CAMKV: variants seen among roughly 807,000 people sequenced by gnomAD.
CAMKV encodes CaM kinase like vesicle associated, also known as caM kinase-like vesicle-associated protein.
CAMKV carries 5 observed loss-of-function variants against 50.2 expected under a neutral mutation model. That is an observed-to-expected ratio of 0.10 (90% CI 0.05 to 0.21). The LOEUF (loss-of-function observed/expected upper bound fraction) is 0.21, where lower values mean the gene tolerates loss of function less well. Among genes scored for constraint, CAMKV ranks in the 10% least tolerant of loss-of-function variants. CAMKV has a pLI of 1.00. For missense variants in CAMKV, 361 were observed against 650.5 expected (o/e 0.55, Z 4.84); for synonymous variants, 229 against 250.1 (o/e 0.92, Z 0.80).
intron 1 of CAMKV, among the ~76,000 whole-genome samples, chr3:49,867,075 C>A (rs2082070853): frequency 6.6e-6 from 1 of 152,204 alleles, no homozygotes; most frequent in Non-Finnish European, 1.5e-5. Flanking sequence ...CCTGCAGGCA[C>A]CCCCTCCTCT....
Position 49,861,646 on chromosome 3 carries a change from C to G in CAMKV, c.303-69G>C. 1 of 1,607,142 alleles carries G rather than the reference C, an allele frequency of 6.2e-7. No homozygotes were observed. Among genetic ancestry groups the G allele is most frequent in the Middle Eastern group, 1.7e-4 (1 of 5,968 alleles). ...GGTAGGGCAGGAGCACTTGGGTGAG[C>G]TGCCTACGCCAGGCAGCTGGCTGAG... On this transcript the variant is annotated intron_variant, in intron 4 of 10. Transcript: ENST00000477224. This position sits in a 1 kb window ranked among gnomAD's most constrained non-coding sequence, Gnocchi z 7.7.
At position 49,859,611 on chromosome 3, in the gene CAMKV, C is replaced by T; in HGVS notation, c.1213G>A (p.Ala405Thr). 1 of 1,614,106 alleles carries T rather than the reference C, an allele frequency of 6.2e-7. No homozygotes were observed. The highest frequency in any genetic ancestry group is 1.1e-5 in the South Asian group (1 of 91,074). ...TPATDGSVTPATDGSITPATD... is the reference protein window; with the variant it reads ...TPATDGSVTPTTDGSITPATD... ...GCTGGAGTGATGCTTCCATCGGTGG[C>T]TGGGGTGACACTGCCATCAGTGGCT... The change falls in exon 11 of 11, where the codon GCC (alanine) becomes ACC (threonine). Residue 405 changes from alanine to threonine, a missense_variant. Physicochemically the swap from Ala to Thr is moderately conservative, Grantham distance 58. Transcript: ENST00000477224. The surrounding 1 kb of genome is among the most constrained non-coding windows in gnomAD (Gnocchi z 5.5).
At chr3:49,863,941 A>T (rs1409970729) in intron 1 of CAMKV, among the ~76,000 whole-genome samples, 1 of 152,172 alleles carries the variant, frequency 6.6e-6, no homozygotes, top group Non-Finnish European at 1.5e-5. Flanking sequence ...GATTACAGGC[A>T]TGAGCCACCA....
chr3:49,861,659 G>A lies in CAMKV; in HGVS notation c.303-82C>T. On this transcript the variant is annotated intron_variant, in intron 4 of 10. Coordinates refer to ENST00000477224, the MANE Select transcript of CAMKV (RefSeq NM_024046.5). The surrounding 1 kb of genome is among the most constrained non-coding windows in gnomAD (Gnocchi z 7.7). ...CACTTGGGTGAGCTGCCTACGCCAG[G>A]CAGCTGGCTGAGCAAGGCACAGGGA... is the stretch of plus-strand genomic sequence containing the variant. The A allele has an allele frequency of 5.6e-6, 9 of 1,604,204 alleles. No individual in the cohort carries two copies. The Admixed American group carries it at 1.5e-4, about 27-fold the overall frequency.
At position 49,860,702 on chromosome 3, in the gene CAMKV, A is replaced by T. The variant is rs371001507; in HGVS notation, c.775+14T>A. 5.0e-6 allele frequency: 8 copies of T among 1,613,984 alleles called. No individual in the cohort carries two copies. Among genetic ancestry groups the T allele is most frequent in the Non-Finnish European group, 6.8e-6 (8 of 1,179,918 alleles). On this transcript the variant is annotated intron_variant, in intron 8 of 10. Transcript: ENST00000477224. This position sits in a 1 kb window ranked among gnomAD's most constrained non-coding sequence, Gnocchi z 6.1. ...CCTTGCGTTCTACCAAGTGCTGGGC[A>T]GGCACCTCCTCACCTGCCTGCGAAA...
In CAMKV at chr3:49,860,672, C is replaced by T. The variant is rs2082013021; in HGVS notation, c.775+44G>A. 1 of 1,612,904 alleles carries T rather than the reference C, an allele frequency of 6.2e-7. No individual in the cohort carries two copies. Among genetic ancestry groups the T allele is most frequent in the Non-Finnish European group, 8.5e-7 (1 of 1,179,128 alleles). On this transcript the variant is annotated intron_variant, in intron 8 of 10. Transcript: ENST00000477224. The surrounding 1 kb of genome is among the most constrained non-coding windows in gnomAD (Gnocchi z 6.1). ...GAAGATGAGAGCAGGACACCCTCCCCACTCCCTTGCGTTCTACCAAGTGCT... is the reference window on the plus strand; with the variant it reads ...GAAGATGAGAGCAGGACACCCTCCCTACTCCCTTGCGTTCTACCAAGTGCT...
Position 49,862,274 on chromosome 3 carries a change from C to T in CAMKV, c.95+20G>A. ...TGCTCACCAGCCCACCCAGCCTTGCCTGACAGGCCCGGCACTCACGTCTTG... is the reference window on the plus strand; with the variant it reads ...TGCTCACCAGCCCACCCAGCCTTGCTTGACAGGCCCGGCACTCACGTCTTG... On this transcript the variant is annotated intron_variant, in intron 2 of 10. Transcript: ENST00000477224. The surrounding 1 kb of genome is among the most constrained non-coding windows in gnomAD (Gnocchi z 5.2). The T allele has an allele frequency of 6.2e-7, 1 of 1,614,224 alleles. No individual in the cohort carries two copies. Among genetic ancestry groups the T allele is most frequent in the East Asian group, 2.2e-5 (1 of 44,886 alleles).
intron 1 of CAMKV, among the ~76,000 whole-genome samples, chr3:49,864,459 T>C (rs890191677): frequency 2.0e-5 from 3 of 152,068 alleles, no homozygotes; most frequent in Admixed American, 6.6e-5. Context: ...TGGGGCACGG[T>C]GTCCCACAGG....
rs921509510 is a variant in CAMKV at position 49,858,986 on chromosome 3, G to T, written c.*332C>A. Reference sequence around the variant, plus strand: ...GCCTAGGGGAATGGTGAGGCAAGAAGGGAAGGGGAAGGAGAGCAGGAGCCC... The same window carrying T: ...GCCTAGGGGAATGGTGAGGCAAGAATGGAAGGGGAAGGAGAGCAGGAGCCC... On this transcript the variant is annotated 3_prime_UTR_variant, in exon 11 of 11. Transcript: ENST00000477224. The T allele has an allele frequency of 1.7e-5, 4 of 241,004 alleles. No individual in the cohort carries two copies. The highest frequency in any genetic ancestry group is 3.2e-5 in the Non-Finnish European group (4 of 123,520). 14.9% of individuals were successfully genotyped at this position (241,004 alleles called of 1,614,324 possible). A position where few individuals can be genotyped will look rare whatever the true frequency, so the allele number is the denominator to read the frequency against.
chr3:49,858,724 A>G lies in CAMKV; in HGVS notation c.*594T>C, dbSNP rs773492900. The G allele has an allele frequency of 7.6e-5, 15 of 196,654 alleles. No homozygotes were observed. Among genetic ancestry groups the G allele is most frequent in the African/African-American group, 1.2e-4 (5 of 43,320 alleles). 12.2% of individuals were successfully genotyped at this position (196,654 alleles called of 1,614,324 possible). On this transcript the variant is annotated 3_prime_UTR_variant, in exon 11 of 11. Coordinates refer to ENST00000477224, the MANE Select transcript of CAMKV (RefSeq NM_024046.5). ...ATTCTCTCCACTCCTGAGGACCTCC[A>G]CAGCTAGTGAGCAGTATCCCTAGCC...
intron 1 of CAMKV, among the ~76,000 whole-genome samples, chr3:49,867,194 G>A (rs556376042): frequency 6.6e-6 from 1 of 152,356 alleles, no homozygotes; most frequent in Admixed American, 6.5e-5. Flanking sequence ...ACAGGACCAG[G>A]GGAGCTGAAG....
rs761036215 is a variant in CAMKV, at chr3:49,861,133, A to C, written c.562+47T>G. 6 of 1,585,402 alleles carry C rather than the reference A, an allele frequency of 3.8e-6. No individual in the cohort carries two copies. The Admixed American group carries it at 1.1e-4, about 28-fold the overall frequency. ...CCCCCTGCCCAGAGCAGCTCCCTGAAGGCTGCCCCCCATTATCCCCCTGCC... is the reference window on the plus strand; with the variant it reads ...CCCCCTGCCCAGAGCAGCTCCCTGACGGCTGCCCCCCATTATCCCCCTGCC... On this transcript the variant is annotated intron_variant, in intron 6 of 10. Coordinates refer to ENST00000477224, the MANE Select transcript of CAMKV (RefSeq NM_024046.5). The surrounding 1 kb of genome is among the most constrained non-coding windows in gnomAD (Gnocchi z 7.7).
At position 49,859,915 on chromosome 3, in the gene CAMKV, G is replaced by A; in HGVS notation, c.943-34C>T. The A allele has an allele frequency of 6.7e-7, 1 of 1,498,764 alleles. No homozygotes were observed. The highest frequency in any genetic ancestry group is 8.9e-7 in the Non-Finnish European group (1 of 1,129,918). The allele number at this position is 1,498,764 out of a possible 1,614,324, so 92.8% of individuals were successfully genotyped here. A position where few individuals can be genotyped will look rare whatever the true frequency, so the allele number is the denominator to read the frequency against. On this transcript the variant is annotated intron_variant, in intron 10 of 10. Coordinates refer to ENST00000477224, the MANE Select transcript of CAMKV (RefSeq NM_024046.5). This position sits in a 1 kb window ranked among gnomAD's most constrained non-coding sequence, Gnocchi z 5.5. ...AGCACAGTGGAGAAAGGCTAAGGGTGAGGCTTGCTGGATCCATTGCTTGGC... is the reference window on the plus strand; with the variant it reads ...AGCACAGTGGAGAAAGGCTAAGGGTAAGGCTTGCTGGATCCATTGCTTGGC...
chr3:49,867,922 G>A lies in CAMKV; in HGVS notation c.-15+1836C>T, dbSNP rs2082077442. ...AGCAGAGCCCTAAGGCCTCCATGGC[G>A]ATGTGCTCTAAATCCCTGGGCCAGG... On this transcript the variant is annotated intron_variant, in intron 1 of 10. Coordinates refer to ENST00000477224, the MANE Select transcript of CAMKV (RefSeq NM_024046.5). Among the ~76,000 whole-genome samples, 4 of 152,306 alleles carry A rather than the reference G, an allele frequency of 2.6e-5. No individual in the cohort carries two copies. In the South Asian group the frequency reaches 8.3e-4, roughly 32 times the overall value.
chr3:49,860,256 A>G lies in CAMKV; in HGVS notation c.857T>C (p.Ile286Thr). Residue 286 changes from isoleucine to threonine, a missense_variant and splice_region_variant, in exon 10 of 11, where the codon ATT becomes ACT. Ile to Thr is a moderately conservative substitution (Grantham distance 89). Transcript: ENST00000477224. The surrounding 1 kb of genome is among the most constrained non-coding windows in gnomAD (Gnocchi z 6.1). ...TAEEAISHEW[I>T]SGNAASDKNI... ...CTTATCAGAAGCAGCATTGCCAGAA[A>G]TCCTGGAAAGGGTGCAAGTGTGTCT... The G allele has an allele frequency of 6.2e-7, 1 of 1,614,042 alleles. No homozygotes were observed. Among genetic ancestry groups the G allele is most frequent in the Non-Finnish European group, 8.5e-7 (1 of 1,179,918 alleles).
chr3:49,867,170 C>G (rs1208819196), intron 1 of CAMKV, among the ~76,000 whole-genome samples: 1 of 152,238 alleles, frequency 6.6e-6, no homozygotes, highest in African/African-American at 2.4e-5. Context: ...TAACTCACAG[C>G]TGAGGTGTCA....
Position 49,860,757 on chromosome 3 carries a change from T to A in CAMKV, c.734A>T (p.Tyr245Phe). ...NLFRKILAGDYEFDSPYWDDI... is the reference protein window; with the variant it reads ...NLFRKILAGDFEFDSPYWDDI... ...ATCCCAATATGGAGAGTCAAACTCA[T>A]AGTCACCAGCCAGGATCTTGCGGAA... The change falls in exon 8 of 11, where the codon TAT becomes TTT. Residue 245 changes from tyrosine (Y) to phenylalanine (F), a missense_variant. Physicochemically the swap from Tyr to Phe is conservative, Grantham distance 22. Coordinates refer to ENST00000477224, the MANE Select transcript of CAMKV (RefSeq NM_024046.5). The surrounding 1 kb of genome is among the most constrained non-coding windows in gnomAD (Gnocchi z 6.1). 6.2e-7 allele frequency: 1 copy of A among 1,614,172 alleles called. No homozygotes were observed. The highest frequency in any genetic ancestry group is 8.5e-7 in the Non-Finnish European group (1 of 1,180,030).
In CAMKV at chr3:49,862,544, C is replaced by T; in HGVS notation, c.-14-142G>A. The T allele has an allele frequency of 2.0e-5, 14 of 697,674 alleles. No homozygotes were observed. Among genetic ancestry groups the T allele is most frequent in the Non-Finnish European group, 3.0e-5 (12 of 401,784 alleles). The allele number at this position is 697,674 out of a possible 1,614,324, so 43.2% of individuals were successfully genotyped here. A position where few individuals can be genotyped will look rare whatever the true frequency, so the allele number is the denominator to read the frequency against. On this transcript the variant is annotated intron_variant, in intron 1 of 10. Coordinates refer to ENST00000477224, the MANE Select transcript of CAMKV (RefSeq NM_024046.5). This position sits in a 1 kb window ranked among gnomAD's most constrained non-coding sequence, Gnocchi z 5.2. ...CAGGAGGGGCTAGAGGATAGGCAGG[C>T]TTAGATCCTACCCCTGCTTTTCTGG...
chr3:49,859,382 G>T lies in CAMKV; in HGVS notation c.1442C>A (p.Pro481His), dbSNP rs1482587570. 3 of 1,583,616 alleles carry T rather than the reference G, an allele frequency of 1.9e-6. No homozygotes were observed. The African/African-American group carries it at 4.0e-5, about 21-fold the overall frequency. Residue 481 changes from proline to histidine, a missense_variant, in exon 11 of 11, where the codon CCC (proline) becomes CAC (histidine). By Grantham distance (77) the Pro-to-His change is moderately conservative (BLOSUM62 -2). Transcript: ENST00000477224. The surrounding 1 kb of genome is among the most constrained non-coding windows in gnomAD (Gnocchi z 5.5). The stretch of plus-strand genomic sequence containing the variant: ...AGCAGCCTCTTCCCCTTTACTAGAG[G>T]GTGGAGCCTGGCCTGTGGCGCCCTC... The part of the protein sequence containing the change: ...APEGATGQAP[P>H]SSKGEEAAGY...
Sources: allele counts gnomAD v4.1 joint callset (sites outside exome capture counted in the v4.1 genomes callset), GRCh38; gene constraint gnomAD v4.1.1; non-coding constraint Gnocchi (gnomAD v3.1); transcripts MANE v1.5; gene names NCBI Gene and HGNC (gene_info 2026-07-23, HGNC 2026-07-21).